SWAP70: variants seen among roughly 807,000 people sequenced by gnomAD.
The protein encoded by SWAP70 is switch-associated protein 70.
SWAP70 carries 34 observed loss-of-function variants against 80.2 expected under a neutral mutation model. That is an observed-to-expected ratio of 0.42 (90% CI 0.32 to 0.56). The LOEUF is 0.56. Ranked by LOEUF, SWAP70 falls within the 20% of genes least tolerant of loss-of-function variation. SWAP70 has a pLI of 0.09. For synonymous variants in SWAP70, 239 were observed against 238.5 expected (o/e 1.00, Z -0.02); for missense variants, 578 against 690.7 (o/e 0.84, Z 1.83).
chr11:9,668,252 G>T (rs1159718676), intron 1 of SWAP70, among the ~76,000 whole-genome samples: 1 of 152,180 alleles, frequency 6.6e-6, no homozygotes, highest in African/African-American at 2.4e-5. Context: ...CGGCATAAAT[G>T]AGATTTTTTG....
chr11:9,735,487 T>C (rs1306453385), intron 7 of SWAP70, among the ~76,000 whole-genome samples: 1 of 152,236 alleles, frequency 6.6e-6, no homozygotes, highest in Non-Finnish European at 1.5e-5. Flanking sequence ...TGTCATTGTA[T>C]ATGTGTTCAT....
intron 7 of SWAP70, among the ~76,000 whole-genome samples, chr11:9,737,204 C>T (rs1851374163): frequency 6.6e-6 from 1 of 152,170 alleles, no homozygotes; most frequent in Non-Finnish European, 1.5e-5. Flanking sequence ...GCCAGCCTGC[C>T]CCTCCCAGGA....
chr11:9,697,095 G>A (rs1850768078), intron 2 of SWAP70, among the ~76,000 whole-genome samples: 1 of 151,702 alleles, frequency 6.6e-6, no homozygotes, highest in African/African-American at 2.4e-5. Flanking sequence ...CTCAATTTTT[G>A]CATCAAACCT....
chr11:9,747,362 A>G (rs556593804), intron 9 of SWAP70, among the ~76,000 whole-genome samples: 19 of 152,264 alleles, frequency 1.2e-4, no homozygotes, highest in East Asian at 9.6e-4. Context: ...TCCTTTCTTC[A>G]TCTTCATTAT....
At chr11:9,731,338 C>T (rs1472826336) in intron 6 of SWAP70, among the ~76,000 whole-genome samples, 2 of 152,156 alleles carry the variant, frequency 1.3e-5, no homozygotes, top group African/African-American at 2.4e-5. Context: ...TTTGAATGCT[C>T]TTTCCTGGGT....
chr11:9,712,799 C>T (rs1201023665), intron 2 of SWAP70, among the ~76,000 whole-genome samples: 4 of 145,414 alleles, frequency 2.8e-5, no homozygotes, highest in East Asian at 2.0e-4. Flanking sequence ...AGTGCAATGG[C>T]GTGATCTCAG....
At chr11:9,709,938 A>G (rs1236162774) in intron 2 of SWAP70, among the ~76,000 whole-genome samples, 2 of 152,248 alleles carry the variant, frequency 1.3e-5, no homozygotes, top group Non-Finnish European at 2.9e-5. Flanking sequence ...AGTAATCTAG[A>G]GAAAAGAAAA....
chr11:9,681,017 C>G (rs945104933), intron 1 of SWAP70: 3 of 159,196 alleles, frequency 1.9e-5, no homozygotes, highest in African/African-American at 2.4e-5. Flanking sequence ...TGTCCCCTTC[C>G]TCCCTCACCA....
intron 3 of SWAP70, chr11:9,720,418 A>AT (rs1468192867): frequency 2.0e-6 from 2 of 985,344 alleles, no homozygotes; most frequent in African/African-American, 3.5e-5. Context: ...AGTTACAAAC[A>AT]TAACAAGTCA....
chr11:9,747,058 C>T (rs935144161), intron 9 of SWAP70, among the ~76,000 whole-genome samples: 7 of 152,150 alleles, frequency 4.6e-5, no homozygotes, highest in East Asian at 1.9e-4. Context: ...TGGCATCGAA[C>T]GACACTATAT....
At chr11:9,725,677 T>G (rs1851214867) in intron 4 of SWAP70, among the ~76,000 whole-genome samples, 1 of 149,666 alleles carries the variant, frequency 6.7e-6, no homozygotes, top group Non-Finnish European at 1.5e-5. Flanking sequence ...GTTCAAACAA[T>G]TCTCCCGCCT....
At chr11:9,686,693 A>G (rs1310914948) in intron 1 of SWAP70, among the ~76,000 whole-genome samples, 1 of 152,074 alleles carries the variant, frequency 6.6e-6, no homozygotes, top group Non-Finnish European at 1.5e-5. Flanking sequence ...CTTTCTGTAT[A>G]AATGCATATA....
rs191280221 is a variant in SWAP70, at chr11:9,751,973, C to T, written c.*2003C>T. ...GTAGCTGGCAGGTGTATTAGACCAA[C>T]GAGACTTAGGTAAGGAATGGAACCT... On this transcript the variant is annotated 3_prime_UTR_variant, in exon 12 of 12. Transcript: ENST00000318950. 20 of 152,248 alleles carry T rather than the reference C, an allele frequency of 1.3e-4. No individual in the cohort carries two copies. The East Asian group carries it at 2.5e-3, about 19-fold the overall frequency. The allele number at this position is 152,248 out of a possible 1,614,324, so 9.4% of individuals were successfully genotyped here.
intron 1 of SWAP70, among the ~76,000 whole-genome samples, chr11:9,684,621 G>A (rs968366396): frequency 6.6e-6 from 1 of 152,090 alleles, no homozygotes; most frequent in Non-Finnish European, 1.5e-5. Context: ...CAGACGAGTT[G>A]TGCTTGGCTA....
intron 7 of SWAP70, among the ~76,000 whole-genome samples, chr11:9,738,003 A>G (rs984128890): frequency 3.3e-5 from 5 of 152,238 alleles, no homozygotes; most frequent in African/African-American, 1.2e-4. Flanking sequence ...GCTTATCAAT[A>G]GTCTTTCATT....
intron 5 of SWAP70, among the ~76,000 whole-genome samples, chr11:9,728,956 G>A (rs1851260906): frequency 6.6e-6 from 1 of 152,144 alleles, no homozygotes; most frequent in Admixed American, 6.6e-5. Flanking sequence ...AGAAGAGAAA[G>A]CCACATTAAG....
intron 5 of SWAP70, among the ~76,000 whole-genome samples, chr11:9,728,799 A>G (rs2133808106): frequency 6.6e-6 from 1 of 152,302 alleles, no homozygotes; most frequent in South Asian, 2.1e-4. Context: ...TTTAGTGAAT[A>G]ATAATGTCTT....
chr11:9,692,587 G>T (rs1850710347), intron 1 of SWAP70, among the ~76,000 whole-genome samples: 1 of 152,102 alleles, frequency 6.6e-6, no homozygotes. Flanking sequence ...CTTGGGTAAA[G>T]TTCCAAATGA....
intron 2 of SWAP70, among the ~76,000 whole-genome samples, chr11:9,708,806 A>G (rs1450557614): frequency 6.6e-6 from 1 of 152,070 alleles, no homozygotes; most frequent in South Asian, 2.1e-4. Flanking sequence ...GGCCTTGGAA[A>G]TGTTCTGCAT....
Sources: allele counts gnomAD v4.1 joint callset (sites outside exome capture counted in the v4.1 genomes callset), GRCh38; gene constraint gnomAD v4.1.1; transcripts MANE v1.5; gene names NCBI Gene and HGNC (gene_info 2026-07-23, HGNC 2026-07-21).